Variants in WDR41 observed in about 807,000 individuals in gnomAD.
WDR41 encodes the protein WD repeat domain 41, also known as WD repeat-containing protein 41.
In WDR41, 63 loss-of-function variants were observed where a neutral mutation model predicts 69.3. That is an observed-to-expected ratio of 0.91 (90% CI 0.74 to 1.12). The LOEUF is 1.12. Ranked by LOEUF, WDR41 falls within the 50% of genes most tolerant of loss-of-function variation. The pLI, the probability that WDR41 is intolerant of heterozygous loss-of-function variation, is 0.00. For synonymous variants in WDR41, 185 were observed against 192.1 expected, an observed-to-expected ratio of 0.96 and a Z score of 0.31; for missense variants, 543 against 534.5, an observed-to-expected ratio of 1.02 and a Z score of -0.16.
intron 1 of WDR41, among the ~76,000 whole-genome samples, chr5:77,615,820 C>G (rs1744671101): frequency 6.6e-6 from 1 of 151,804 alleles, no homozygotes; most frequent in Non-Finnish European, 1.5e-5. Context: ...TAGTGAAACC[C>G]TGGCTCTATT....
At chr5:77,451,551 T>A (rs1334218652) in intron 6 of WDR41, 198 bp from the exon 7 acceptor site, 1 of 565,404 alleles carries the variant, frequency 1.8e-6, no homozygotes, top group Non-Finnish European at 3.2e-6. Context: ...TTGGAAGACA[T>A]TATTGATTTA....
At chr5:77,525,079 A>G (rs544885745) in intron 1 of WDR41, among the ~76,000 whole-genome samples, 54 of 152,304 alleles carry the variant, frequency 3.5e-4, no homozygotes, top group African/African-American at 1.2e-3. Flanking sequence ...AATTTTGATG[A>G]TGAGGGGAGG....
intron 2 of WDR41, among the ~76,000 whole-genome samples, chr5:77,465,380 G>T (rs991373457): frequency 2.0e-5 from 3 of 151,906 alleles, no homozygotes; most frequent in Non-Finnish European, 4.4e-5. Context: ...TTGTCTTATG[G>T]CATGAAAAAT....
intron 8 of WDR41, among the ~76,000 whole-genome samples, chr5:77,443,876 CTTTTTTTTTTTT>C (rs746105630): frequency 1.9e-5 from 2 of 105,028 alleles, no homozygotes; most frequent in African/African-American, 3.6e-5. Flanking sequence ...TCAATCAGCA[CTTTTTTTTTTTT>C]TTTTTTTTTT....
intron 2 of WDR41, among the ~76,000 whole-genome samples, chr5:77,476,336 C>T (rs529020686): frequency 7.3e-5 from 11 of 151,168 alleles, no homozygotes; most frequent in South Asian, 2.1e-4. Flanking sequence ...CACAAAGATA[C>T]TCCTCGAGAA....
intron 1 of WDR41, among the ~76,000 whole-genome samples, chr5:77,602,134 T>C (rs1744333202): frequency 6.6e-6 from 1 of 151,668 alleles, no homozygotes; most frequent in Non-Finnish European, 1.5e-5. Flanking sequence ...CTGGTATCTA[T>C]CATTCTACTC....
In WDR41 at chr5:77,432,706, A is replaced by G. The variant is rs1798773058; in HGVS notation, c.*429T>C. On this transcript the variant is annotated 3_prime_UTR_variant, in exon 13 of 13. Coordinates refer to ENST00000296679, the MANE Select transcript of WDR41 (RefSeq NM_018268.4). ...GCTGAGAGATTCAAGTTTGTGCTATATAGAACACTAACAGTTACTAAAGAC... is the reference window on the plus strand; with the variant it reads ...GCTGAGAGATTCAAGTTTGTGCTATGTAGAACACTAACAGTTACTAAAGAC... The G allele has an allele frequency of 6.5e-6, 1 of 154,798 alleles. No individual in the cohort carries two copies. Among genetic ancestry groups the G allele is most frequent in the African/African-American group, 2.4e-5 (1 of 41,528 alleles). 9.6% of individuals were successfully genotyped at this position (154,798 alleles called of 1,614,324 possible). A position where few individuals can be genotyped will look rare whatever the true frequency, so the allele number is the denominator to read the frequency against.
intron 12 of WDR41, among the ~76,000 whole-genome samples, chr5:77,435,006 G>A (rs973040304): frequency 5.3e-5 from 8 of 152,172 alleles, no homozygotes; most frequent in Middle Eastern, 3.4e-3. Context: ...CCCAAACCAC[G>A]TTCCCAGGCT....
At chr5:77,492,352 G>A (rs867289110), upstream of WDR41, 5 of 1,239,730 alleles carry the variant, frequency 4.0e-6, no homozygotes, top group East Asian at 5.3e-5. Context: ...ATCAGCCCAC[G>A]GGCCGAAGGA....
chr5:77,540,027 A>G (rs1408711221), intron 1 of WDR41, among the ~76,000 whole-genome samples: 1 of 152,214 alleles, frequency 6.6e-6, no homozygotes, highest in Non-Finnish European at 1.5e-5. Flanking sequence ...ACAAAGTAAA[A>G]CATAAGCAAT....
intron 1 of WDR41, among the ~76,000 whole-genome samples, chr5:77,510,380 C>T (rs770788104): frequency 1.3e-5 from 2 of 152,114 alleles, no homozygotes; most frequent in East Asian, 3.8e-4. Context: ...ATTATGGGAG[C>T]TACAAGATGA....
At chr5:77,447,823 C>A (rs1373846155) in intron 8 of WDR41, among the ~76,000 whole-genome samples, 2 of 152,136 alleles carry the variant, frequency 1.3e-5, no homozygotes, top group African/African-American at 4.8e-5. Context: ...ACCATCATGG[C>A]ACACGTATAC....
chr5:77,456,139 T>C (rs1290199990), intron 5 of WDR41, among the ~76,000 whole-genome samples: 1 of 152,134 alleles, frequency 6.6e-6, no homozygotes, highest in Non-Finnish European at 1.5e-5. Context: ...CTTTCAACAA[T>C]GTTTTGTAGT....
intron 10 of WDR41, among the ~76,000 whole-genome samples, chr5:77,437,655 AT>A (rs1231705418): frequency 6.6e-6 from 1 of 152,202 alleles, no homozygotes; most frequent in African/African-American, 2.4e-5. Context: ...GATTCTCTCC[AT>A]TTAAAAAAAT....
At chr5:77,582,644 C>T in intron 1 of WDR41, 8 of 1,601,640 alleles carry the variant, frequency 5.0e-6, no homozygotes, top group South Asian at 1.1e-5. Context: ...CCCAAATTGG[C>T]GTTTGTCATC....
intron 1 of WDR41, among the ~76,000 whole-genome samples, chr5:77,570,179 T>G (rs1743710555): frequency 6.6e-6 from 1 of 152,208 alleles, no homozygotes; most frequent in Admixed American, 6.5e-5. Flanking sequence ...AACTAATTGT[T>G]GCTAACAGTG....
At chr5:77,589,095 T>C (rs1018832813) in intron 1 of WDR41, among the ~76,000 whole-genome samples, 20 of 152,190 alleles carry the variant, frequency 1.3e-4, no homozygotes, top group Non-Finnish European at 2.8e-4. Flanking sequence ...AATATGCATG[T>C]TAGGCAATTC....
intron 1 of WDR41, among the ~76,000 whole-genome samples, chr5:77,512,242 C>A (rs909780116): frequency 6.6e-6 from 1 of 151,662 alleles, no homozygotes; most frequent in Non-Finnish European, 1.5e-5. Context: ...TAGGGAGCAG[C>A]CTGGACACAA....
At chr5:77,620,433 A>G in intron 1 of WDR41, 1 of 456,198 alleles carries the variant, frequency 2.2e-6, no homozygotes, top group Non-Finnish European at 4.4e-6. Flanking sequence ...CCCTGAAAAT[A>G]TTGGGGGATG....
Sources: gnomAD v4.1 joint callset for allele counts (sites outside exome capture counted in the v4.1 genomes callset) on GRCh38, gnomAD v4.1.1 for gene constraint, MANE v1.5 for transcripts, NCBI Gene and HGNC (gene_info 2026-07-23, HGNC 2026-07-21) for gene names.